RAB37: variants seen among roughly 807,000 people sequenced by gnomAD.
The protein encoded by RAB37 is RAB37, member RAS oncogene family.
A neutral mutation model predicts 33.1 loss-of-function variants in RAB37; 29 were observed. That is an observed-to-expected ratio of 0.88 (90% CI 0.65 to 1.20). RAB37 has a LOEUF of 1.20. Among genes scored for constraint, RAB37 ranks in the 50% most tolerant of loss-of-function variants. RAB37 has a pLI of 0.00. For synonymous variants in RAB37, 128 were observed against 119.5 expected (o/e 1.07, Z -0.47); for missense variants, 299 against 301.1 (o/e 0.99, Z 0.05).
chr17:74,674,880 G>T (rs369685366), intron 1 of RAB37, among the ~76,000 whole-genome samples: 6 of 152,146 alleles, frequency 3.9e-5, no homozygotes, highest in African/African-American at 1.4e-4. Context: ...AGAGGAAGAA[G>T]CATCATCTTG....
intron 1 of RAB37, chr17:74,712,952 A>T (rs2034077735): frequency 1.5e-6 from 2 of 1,361,924 alleles, no homozygotes; most frequent in Admixed American, 3.8e-5. Context: ...GCTGGTACTC[A>T]CTCTCGCCCT....
chr17:74,712,960 C>G, intron 1 of RAB37: 1 of 1,253,030 alleles, frequency 8.0e-7, no homozygotes, highest in Non-Finnish European at 1.1e-6. Flanking sequence ...TCACTCTCGC[C>G]CTTGAACTTC....
intron 1 of RAB37, among the ~76,000 whole-genome samples, chr17:74,700,105 G>A (rs2032899931): frequency 6.6e-6 from 1 of 151,748 alleles, no homozygotes; most frequent in Non-Finnish European, 1.5e-5. Flanking sequence ...TCGCGCCACT[G>A]CACTCCAGCC....
intron 1 of RAB37, among the ~76,000 whole-genome samples, chr17:74,727,329 T>C (rs1204011843): frequency 6.6e-6 from 1 of 152,192 alleles, no homozygotes; most frequent in Non-Finnish European, 1.5e-5. Flanking sequence ...CTGAGGGAAA[T>C]GCCTGTGAGA....
chr17:74,745,164 C>T lies in RAB37; in HGVS notation c.566+80C>T, dbSNP rs2034727224. 3.2e-6 allele frequency: 5 copies of T among 1,560,242 alleles called. No individual in the cohort carries two copies. The highest frequency in any genetic ancestry group is 1.4e-5 in the African/African-American group (1 of 73,822). ...ATCCAGTAGGGCCCGGCCCCTGGCC[C>T]AGCCCCTGGACACACCTGCATTCTG... On this transcript the variant is annotated intron_variant, in intron 8 of 8. Coordinates refer to ENST00000392613, the MANE Select transcript of RAB37 (RefSeq NM_001006638.3). The surrounding 1 kb of genome is among the most constrained non-coding windows in gnomAD (Gnocchi z 4.5).
intron 1 of RAB37, chr17:74,704,740 A>G (rs755289466): frequency 1.2e-6 from 2 of 1,614,156 alleles, no homozygotes; most frequent in Non-Finnish European, 1.7e-6. Context: ...ATCTGTAAAC[A>G]CACTGCACGG....
At chr17:74,736,548 G>A, upstream of RAB37, 3 of 1,469,044 alleles carry the variant, frequency 2.0e-6, no homozygotes, top group Middle Eastern at 2.4e-4. Flanking sequence ...GGCCGGCCCC[G>A]CCTTCAGGAG....
In RAB37 at chr17:74,671,526, G is replaced by C; in HGVS notation, c.-61G>C. On this transcript the variant is annotated 5_prime_UTR_variant, in exon 1 of 8. Coordinates refer to the RAB37 transcript ENST00000340415. This position sits in a 1 kb window ranked among gnomAD's most constrained non-coding sequence, Gnocchi z 5.0. ...CCGCACCCAGCGGAGCTCGAACCGA[G>C]CTCCTGGAAGCGCTGACGCAGAGCG... The C allele has an allele frequency of 1.3e-6, 2 of 1,549,508 alleles. No individual in the cohort carries two copies. The highest frequency in any genetic ancestry group is 1.8e-6 in the Non-Finnish European group (2 of 1,123,894).
intron 1 of RAB37, among the ~76,000 whole-genome samples, chr17:74,717,952 C>A (rs1430234386): frequency 6.6e-6 from 1 of 152,112 alleles, no homozygotes; most frequent in East Asian, 1.9e-4. Flanking sequence ...AGTGCCTTGA[C>A]CTTGGACTCT....
At chr17:74,679,219 C>T (rs541933235) in intron 1 of RAB37, among the ~76,000 whole-genome samples, 81 of 152,204 alleles carry the variant, frequency 5.3e-4, no homozygotes, top group Admixed American at 1.2e-3. Context: ...TATTAAAAAT[C>T]GGAACTGTCA....
chr17:74,697,862 C>T (rs991924517), intron 1 of RAB37, among the ~76,000 whole-genome samples: 2 of 152,142 alleles, frequency 1.3e-5, no homozygotes, highest in Admixed American at 6.5e-5. Flanking sequence ...TGTGTGTGTG[C>T]ATGCTTGTGT....
At chr17:74,722,138 C>T (rs1277731707) in intron 1 of RAB37, among the ~76,000 whole-genome samples, 1 of 152,022 alleles carries the variant, frequency 6.6e-6, no homozygotes, top group East Asian at 1.9e-4. Flanking sequence ...AAAAAATTAG[C>T]CGGGCGTGGT....
intron 1 of RAB37, among the ~76,000 whole-genome samples, chr17:74,687,175 CTTTTT>C (rs1429446714): frequency 1.3e-5 from 2 of 151,456 alleles, no homozygotes; most frequent in Non-Finnish European, 3.0e-5. Flanking sequence ...GTCACCTTTT[CTTTTT>C]ATTTATTCAG....
rs370530969 is a variant in RAB37 at position 74,744,824 on chromosome 17, G to A, written c.433-49G>A. The A allele has an allele frequency of 2.1e-5, 34 of 1,607,608 alleles. 1 individual carries two copies. Among genetic ancestry groups the A allele is most frequent in the South Asian group, 7.7e-5 (7 of 90,918 alleles). Reference sequence around the variant, plus strand: ...TGCTTCTGGGGCAAAATATGGGCCCGCTGGGGCGGAGGCCTCCTTCCCCAG... The same window carrying A: ...TGCTTCTGGGGCAAAATATGGGCCCACTGGGGCGGAGGCCTCCTTCCCCAG... On this transcript the variant is annotated intron_variant, in intron 6 of 8. Coordinates refer to ENST00000392613, the MANE Select transcript of RAB37 (RefSeq NM_001006638.3). The surrounding 1 kb of genome is among the most constrained non-coding windows in gnomAD (Gnocchi z 4.2).
chr17:74,686,282 G>C lies in RAB37; in HGVS notation c.72+14624G>C, dbSNP rs149041078. On this transcript the variant is annotated intron_variant, in intron 1 of 7. Transcript: ENST00000340415. ...AATTTTTTGTATTTTTAGTACAGACGGGGTTTCACCATGTTGGCCAGGCTG... is the reference window on the plus strand; with the variant it reads ...AATTTTTTGTATTTTTAGTACAGACCGGGTTTCACCATGTTGGCCAGGCTG... Among the ~76,000 whole-genome samples the C allele has an allele frequency of 1.3e-3, 205 of 152,068 alleles. 2 individuals are homozygous for C. Among genetic ancestry groups the C allele is most frequent in the African/African-American group, 4.7e-3 (196 of 41,460 alleles).
At chr17:74,673,208 A>G (rs1464603152) in intron 1 of RAB37, among the ~76,000 whole-genome samples, 4 of 152,088 alleles carry the variant, frequency 2.6e-5, no homozygotes, top group Non-Finnish European at 1.5e-5. Context: ...GTTCAAGACC[A>G]GCCTGGCCAA....
chr17:74,693,643 CTCTG>C (rs566224890), intron 1 of RAB37, among the ~76,000 whole-genome samples: 136 of 152,088 alleles, frequency 8.9e-4, no homozygotes, highest in African/African-American at 2.9e-3. Flanking sequence ...AAGATAATAA[CTCTG>C]TCTGGGTGTG....
Position 74,744,196 on chromosome 17 carries a change from C to T in RAB37, c.367-112C>T. 9.6e-7 allele frequency: 1 copy of T among 1,040,296 alleles called. No individual in the cohort carries two copies. The highest frequency in any genetic ancestry group is 1.4e-6 in the Non-Finnish European group (1 of 702,848). The allele number at this position is 1,040,296 out of a possible 1,614,324, so 64.4% of individuals were successfully genotyped here. On this transcript the variant is annotated intron_variant, in intron 5 of 8. Coordinates refer to ENST00000392613, the MANE Select transcript of RAB37 (RefSeq NM_001006638.3). This position sits in a 1 kb window ranked among gnomAD's most constrained non-coding sequence, Gnocchi z 4.2. ...GAACAAAGGTACAGATGAGAGAACGCACAGGGTATCGTGTTCAAGGTAGTG... is the reference window on the plus strand; with the variant it reads ...GAACAAAGGTACAGATGAGAGAACGTACAGGGTATCGTGTTCAAGGTAGTG...
upstream of RAB37, chr17:74,737,168 G>A (rs565917635): frequency 6.4e-6 from 10 of 1,556,732 alleles, no homozygotes; most frequent in Admixed American, 1.5e-4. Context: ...AGGAGCCTGA[G>A]GGGTCCCGGT....
Sources: allele counts gnomAD v4.1 joint callset (sites outside exome capture counted in the v4.1 genomes callset), GRCh38; gene constraint gnomAD v4.1.1; non-coding constraint Gnocchi (gnomAD v3.1); transcripts MANE v1.5; gene names NCBI Gene and HGNC (gene_info 2026-07-23, HGNC 2026-07-21).